Variants in SLC22A23 observed in about 807,000 individuals in gnomAD.
SLC22A23 encodes the protein ion transporter protein.
Under a neutral mutation model 61.0 loss-of-function variants are expected in SLC22A23, and 26 were observed. The ratio of observed to expected loss-of-function variants is 0.43; its 90% CI spans 0.31 to 0.59. The LOEUF (loss-of-function observed/expected upper bound fraction) is 0.59. Among genes scored for constraint, SLC22A23 ranks in the 20% least tolerant of loss-of-function variants. The pLI is 0.11. For synonymous variants in SLC22A23, 430 were observed against 413.9 expected, an observed-to-expected ratio of 1.04 and a Z score of -0.47; for missense variants, 796 against 934.7, an observed-to-expected ratio of 0.85 and a Z score of 1.94.
chr6:3,439,402 C>A (rs115579837), intron 1 of SLC22A23: 1 of 422,032 alleles, frequency 2.4e-6, no homozygotes, highest in Non-Finnish European at 4.7e-6. Context: ...GGAGCCACTG[C>A]GGCCCTGGAC....
intron 3 of SLC22A23, among the ~76,000 whole-genome samples, chr6:3,370,365 A>G (rs1459374105): frequency 2.6e-5 from 4 of 152,260 alleles, no homozygotes; most frequent in Non-Finnish European, 5.9e-5. Flanking sequence ...GTGGGGGTGC[A>G]TGTGCCTTCC....
At chr6:3,440,270 T>C (rs528568030) in intron 1 of SLC22A23, among the ~76,000 whole-genome samples, 1 of 152,270 alleles carries the variant, frequency 6.6e-6, no homozygotes, top group South Asian at 2.1e-4. Context: ...TACTGTCCCC[T>C]CAAAGCTCCA....
chr6:3,403,351 GAAA>G (rs893516163), intron 3 of SLC22A23, among the ~76,000 whole-genome samples: 2 of 140,940 alleles, frequency 1.4e-5, no homozygotes, highest in African/African-American at 5.2e-5. Context: ...TCCAGGTGTG[GAAA>G]AAAAAAAAAC....
intron 9 of SLC22A23, among the ~76,000 whole-genome samples, chr6:3,276,169 T>G (rs1758884035): frequency 6.9e-6 from 1 of 145,636 alleles, no homozygotes; most frequent in African/African-American, 2.7e-5. Context: ...GAAGACACTT[T>G]GCTCTGCCTT....
At chr6:3,420,392 AAAG>A (rs1770041075) in intron 1 of SLC22A23, among the ~76,000 whole-genome samples, 1 of 152,206 alleles carries the variant, frequency 6.6e-6, no homozygotes, top group South Asian at 2.1e-4. Flanking sequence ...GAAAATTTCT[AAAG>A]AAGATGGAAA....
chr6:3,282,710 T>A (rs1306003081), intron 9 of SLC22A23, among the ~76,000 whole-genome samples: 2 of 152,182 alleles, frequency 1.3e-5, no homozygotes. Flanking sequence ...TGATACTCCT[T>A]TAAGAAGTTC....
At chr6:3,447,990 C>T (rs1771991991) in intron 1 of SLC22A23, among the ~76,000 whole-genome samples, 1 of 148,126 alleles carries the variant, frequency 6.8e-6, no homozygotes. Context: ...GCAACCTCTG[C>T]CTCCTGGGTT....
chr6:3,416,570 T>C (rs916988537), intron 1 of SLC22A23, among the ~76,000 whole-genome samples: 1 of 152,276 alleles, frequency 6.6e-6, no homozygotes, highest in Non-Finnish European at 1.5e-5. Context: ...ATTTTTCTTT[T>C]CTCCACTTGC....
intron 4 of SLC22A23, among the ~76,000 whole-genome samples, chr6:3,310,384 C>A (rs1232011414): frequency 2.8e-5 from 4 of 145,164 alleles, no homozygotes; most frequent in African/African-American, 1.0e-4. Flanking sequence ...ACCCTGTCTC[C>A]CACTCGAGCA....
intron 5 of SLC22A23, among the ~76,000 whole-genome samples, chr6:3,292,183 C>T (rs1388982870): frequency 6.6e-6 from 1 of 152,218 alleles, no homozygotes; most frequent in African/African-American, 2.4e-5. Flanking sequence ...CAGCATGAAG[C>T]TTCCGCAGCA....
At chr6:3,307,514 C>T (rs564729222) in intron 4 of SLC22A23, among the ~76,000 whole-genome samples, 1 of 152,386 alleles carries the variant, frequency 6.6e-6, no homozygotes, top group South Asian at 2.1e-4. Context: ...TTAGCCTTCA[C>T]TTGTCCCTCC....
At chr6:3,424,638 C>T (rs1331137560) in intron 1 of SLC22A23, among the ~76,000 whole-genome samples, 1 of 152,186 alleles carries the variant, frequency 6.6e-6, no homozygotes, top group East Asian at 1.9e-4. Context: ...ATCATAATTG[C>T]CTGTTTACAA....
chr6:3,355,435 G>A (rs1401644689), intron 3 of SLC22A23, among the ~76,000 whole-genome samples: 1 of 151,722 alleles, frequency 6.6e-6, no homozygotes, highest in African/African-American at 2.4e-5. Flanking sequence ...TCCCTGGGTC[G>A]AGAAAAAAAA....
intron 1 of SLC22A23, chr6:3,438,469 G>A (rs961508551): frequency 2.4e-5 from 11 of 455,486 alleles, no homozygotes; most frequent in Non-Finnish European, 4.9e-5. Flanking sequence ...CTCAGCAAAC[G>A]TAAACAGTGC....
Position 3,418,120 on chromosome 6 carries a change from C to T in SLC22A23, c.655-2265G>A, listed in dbSNP as rs56321231. Among the ~76,000 whole-genome samples the T allele has an allele frequency of 2.9e-3, 439 of 152,262 alleles. 2 individuals carry two copies. The highest frequency in any genetic ancestry group is 1.0e-2 in the African/African-American group (414 of 41,532). ...AGGAGGTGCTCTCAACACCTGTAAC[C>T]ACTCATCTCCCAGTTGCATCATGCC... On this transcript the variant is annotated intron_variant, in intron 1 of 9. Coordinates refer to ENST00000406686, the MANE Select transcript of SLC22A23 (RefSeq NM_015482.2).
Position 3,356,507 on chromosome 6 carries a change from C to G in SLC22A23, c.914-32505G>C, listed in dbSNP as rs1328870291. On this transcript the variant is annotated intron_variant, in intron 3 of 9. Transcript: ENST00000406686. ...GAAAATAAAGCTGACCCTAAACTTA[C>G]CGGCTCTGCACTACCCTCCCGCTGG... Among the ~76,000 whole-genome samples the G allele has an allele frequency of 3.9e-5, 6 of 152,284 alleles. No individual in the cohort carries two copies. In the East Asian group the frequency reaches 1.2e-3, roughly 29 times the overall value.
intron 9 of SLC22A23, among the ~76,000 whole-genome samples, chr6:3,275,237 G>T (rs975142830): frequency 6.6e-6 from 1 of 152,170 alleles, no homozygotes; most frequent in Non-Finnish European, 1.5e-5. Context: ...TTTTCAACAG[G>T]TGGTGCTGGG....
At position 3,297,961 on chromosome 6, in the gene SLC22A23, G is replaced by T; in HGVS notation, c.1210+130C>A. 1 of 1,144,222 alleles carries T rather than the reference G, an allele frequency of 8.7e-7. No individual in the cohort carries two copies. Among genetic ancestry groups the T allele is most frequent in the Non-Finnish European group, 1.2e-6 (1 of 851,482 alleles). 70.9% of individuals were successfully genotyped at this position (1,144,222 alleles called of 1,614,324 possible). ...GTCAAGGTTGCCACATTGCCCTTGT[G>T]CAGGCCAAAAGGTCACAGGAGAATT... On this transcript the variant is annotated intron_variant, in intron 5 of 9. Coordinates refer to ENST00000406686, the MANE Select transcript of SLC22A23 (RefSeq NM_015482.2). The surrounding 1 kb of genome is among the most constrained non-coding windows in gnomAD (Gnocchi z 4.3).
At chr6:3,396,597 G>A (rs1314922152) in intron 3 of SLC22A23, among the ~76,000 whole-genome samples, 1 of 152,090 alleles carries the variant, frequency 6.6e-6, no homozygotes, top group Non-Finnish European at 1.5e-5. Context: ...TAGCAGGGAG[G>A]CACACAGGCA....
Sources: allele counts gnomAD v4.1 joint callset (sites outside exome capture counted in the v4.1 genomes callset), GRCh38; gene constraint gnomAD v4.1.1; non-coding constraint Gnocchi (gnomAD v3.1); transcripts MANE v1.5; gene names NCBI Gene and HGNC (gene_info 2026-07-23, HGNC 2026-07-21).